The following GOLT1B variants were observed in gnomAD, a reference collection of about 807,000 sequenced individuals.
GOLT1B encodes the protein vesicle transport protein GOT1B.
Under a neutral mutation model 15.4 loss-of-function variants are expected in GOLT1B, and 3 were observed. That is an observed-to-expected ratio of 0.19 (90% CI 0.09 to 0.50). The LOEUF (loss-of-function observed/expected upper bound fraction) is 0.50, where lower values mean the gene tolerates loss of function less well. Ranked by LOEUF, GOLT1B falls within the 20% of genes least tolerant of loss-of-function variation. The pLI is 0.97. For synonymous variants in GOLT1B, 65 were observed against 56.2 expected (o/e 1.16, Z -0.70); for missense variants, 145 against 160.4 (o/e 0.90, Z 0.52).
chr12:21,514,361 G>C (rs945588035), intron 4 of GOLT1B, among the ~76,000 whole-genome samples: 16 of 152,286 alleles, frequency 1.1e-4, no homozygotes, highest in African/African-American at 3.6e-4. Flanking sequence ...AATGCTCAAA[G>C]AGCTAAAGAA....
intron 1 of GOLT1B, 56 bp from the exon 2 acceptor site, chr12:21,506,829 G>C (rs1943681949): frequency 6.8e-6 from 5 of 740,036 alleles, no homozygotes; most frequent in Non-Finnish European, 1.2e-5. Flanking sequence ...AGTTTACAGG[G>C]ATGTTAATGT....
intron 4 of GOLT1B, chr12:21,515,099 T>C (rs1943746775): frequency 4.2e-6 from 2 of 479,414 alleles, no homozygotes; most frequent in Non-Finnish European, 7.3e-6. Flanking sequence ...AATTATAAAT[T>C]TATGCTTACA....
chr12:21,515,186 A>G (rs190710362), intron 4 of GOLT1B: 13 of 929,334 alleles, frequency 1.4e-5, no homozygotes, highest in Admixed American at 2.1e-5. Context: ...TTTTTAGTCA[A>G]TAACTGTTGT....
intron 1 of GOLT1B, 23 bp downstream of exon 1, chr12:21,501,971 C>G (rs750322530): frequency 8.3e-6 from 13 of 1,569,094 alleles, no homozygotes; most frequent in Non-Finnish European, 1.1e-5. Context: ...TCCGGGGCCC[C>G]CGCCTCGAGC....
At chr12:21,509,067 G>C (rs1313657220) in intron 3 of GOLT1B, among the ~76,000 whole-genome samples, 1 of 152,096 alleles carries the variant, frequency 6.6e-6, no homozygotes, top group Non-Finnish European at 1.5e-5. Flanking sequence ...GTAAATGCCA[G>C]TTAGCAGATA....
At chr12:21,507,435 A>G (rs905410831) in intron 2 of GOLT1B, 3 of 211,498 alleles carry the variant, frequency 1.4e-5, no homozygotes, top group Non-Finnish European at 2.9e-5. Context: ...TTTATTTGGA[A>G]TGTGTACTAT....
At chr12:21,514,406 G>A (rs1791144557) in intron 4 of GOLT1B, among the ~76,000 whole-genome samples, 1 of 152,176 alleles carries the variant, frequency 6.6e-6, no homozygotes, top group Non-Finnish European at 1.5e-5. Context: ...ACCACTATAA[G>A]CCTAATCCCA....
At chr12:21,506,037 T>TTGTC (rs1565581114) in intron 1 of GOLT1B, among the ~76,000 whole-genome samples, 13 of 151,258 alleles carry the variant, frequency 8.6e-5, no homozygotes, top group Non-Finnish European at 1.9e-4. Flanking sequence ...ACTTTAAAGC[T>TTGTC]TACACCTCGT....
chr12:21,506,955 A>G lies in GOLT1B; in HGVS notation c.96A>G (p.Lys32=), dbSNP rs754763149. ...LFFGMILFFD[K]ALLAIGNVLF... ...TTGGAATGATTCTCTTTTTTGACAAAGCACTACTGGCTATTGGAAATGTGA... is the reference window on the plus strand; with the variant it reads ...TTGGAATGATTCTCTTTTTTGACAAGGCACTACTGGCTATTGGAAATGTGA... Residue 32 remains lysine, a synonymous_variant, in exon 2 of 5, where the codon AAA becomes AAG. Coordinates refer to ENST00000229314, the MANE Select transcript of GOLT1B (RefSeq NM_016072.5). 9.4e-5 allele frequency: 132 copies of G among 1,410,144 alleles called. No individual in the cohort carries two copies. Among genetic ancestry groups the G allele is most frequent in the Non-Finnish European group, 1.2e-4 (120 of 997,090 alleles). The allele number at this position is 1,410,144 out of a possible 1,614,324, so 87.4% of individuals were successfully genotyped here. A position where few individuals can be genotyped will look rare whatever the true frequency, so the allele number is the denominator to read the frequency against.
At chr12:21,515,349 T>C in intron 4 of GOLT1B, 1 of 723,638 alleles carries the variant, frequency 1.4e-6, no homozygotes, top group Non-Finnish European at 2.3e-6. Context: ...TTATTTTTTA[T>C]TTTTTGTTAA....
At chr12:21,509,173 C>T (rs149228505) in intron 3 of GOLT1B, among the ~76,000 whole-genome samples, 4,077 of 151,908 alleles carry the variant, frequency 0.027, 78 homozygotes, top group Non-Finnish European at 0.041. Flanking sequence ...CCGAGGTGGG[C>T]GGATCACCTG....
chr12:21,512,188 T>C (rs532171011), intron 3 of GOLT1B, 107 bp from the exon 4 acceptor site: 5 of 678,794 alleles, frequency 7.4e-6, no homozygotes, highest in Non-Finnish European at 1.0e-5. Flanking sequence ...TTGAAGACCC[T>C]CAATTATTCA....
At position 21,504,486 on chromosome 12, in the gene GOLT1B, G is replaced by A. The variant is rs138438484; in HGVS notation, c.26-2399G>A. 6.5e-6 allele frequency: 3 copies of A among 464,728 alleles called. No homozygotes were observed. The East Asian group carries it at 1.9e-4, about 30-fold the overall frequency. The allele number at this position is 464,728 out of a possible 1,614,324, so 28.8% of individuals were successfully genotyped here. A position where few individuals can be genotyped will look rare whatever the true frequency, so the allele number is the denominator to read the frequency against. On this transcript the variant is annotated intron_variant, in intron 1 of 4. Coordinates refer to ENST00000229314, the MANE Select transcript of GOLT1B (RefSeq NM_016072.5). ...GCAATGTCTCCCGCTGGACTGTACT[G>A]GATAAAGTAGTGGAATATTTTGGTT... is the stretch of plus-strand genomic sequence containing the variant.
chr12:21,508,341 G>A (rs756701151), intron 2 of GOLT1B, 42 bp from the exon 3 acceptor site: 149 of 1,233,032 alleles, frequency 1.2e-4, no homozygotes, highest in Non-Finnish European at 1.7e-4. Flanking sequence ...TATGCATTGT[G>A]TTTAATTACC....
intron 2 of GOLT1B, 143 bp from the exon 3 acceptor site, chr12:21,508,240 A>C: frequency 1.7e-6 from 1 of 605,340 alleles, no homozygotes; most frequent in Non-Finnish European, 2.9e-6. Flanking sequence ...TTGGTTGTAC[A>C]TTACAGTTCT....
intron 2 of GOLT1B, chr12:21,508,030 C>T: frequency 2.3e-6 from 1 of 439,952 alleles, no homozygotes; most frequent in African/African-American, 2.0e-5. Flanking sequence ...CTCTTTATGC[C>T]TTGCCAACTC....
Position 21,501,909 on chromosome 12 carries a change from C to A in GOLT1B, c.-15C>A. ...TTTCCGAGGTGCTGTCGCCGCTGTC[C>A]CCACCACTGCAGCCATGATCTCCTT... On this transcript the variant is annotated 5_prime_UTR_variant, in exon 1 of 5. Coordinates refer to ENST00000229314, the MANE Select transcript of GOLT1B (RefSeq NM_016072.5). 1 of 1,599,306 alleles carries A rather than the reference C, an allele frequency of 6.3e-7. No homozygotes were observed. Among genetic ancestry groups the A allele is most frequent in the Non-Finnish European group, 8.6e-7 (1 of 1,166,620 alleles).
intron 2 of GOLT1B, chr12:21,507,831 T>G: frequency 2.6e-6 from 1 of 382,600 alleles, no homozygotes. Context: ...TGGTTGTATT[T>G]TTATTTCTGC....
At chr12:21,503,908 G>T (rs565095783) in intron 1 of GOLT1B, among the ~76,000 whole-genome samples, 2 of 152,214 alleles carry the variant, frequency 1.3e-5, no homozygotes, top group African/African-American at 4.8e-5. Context: ...AGGGGCGGAG[G>T]AGGGGCATGC....
Sources: allele counts gnomAD v4.1 joint callset (sites outside exome capture counted in the v4.1 genomes callset), GRCh38; gene constraint gnomAD v4.1.1; transcripts MANE v1.5; gene names NCBI Gene and HGNC (gene_info 2026-07-23, HGNC 2026-07-21).